Variants in CD9 observed in about 807,000 individuals in gnomAD.
The protein encoded by CD9 is CD9 molecule, also known as CD9 antigen.
In CD9, 10 loss-of-function variants were observed where a neutral mutation model predicts 31.4. That is an observed-to-expected ratio of 0.32 (90% confidence interval 0.20 to 0.54). CD9 has a LOEUF of 0.54. Among genes scored for constraint, CD9 ranks in the 20% least tolerant of loss-of-function variants. The pLI is 0.94. For synonymous variants in CD9, 113 were observed against 114.1 expected (o/e 0.99, Z 0.06); for missense variants, 259 against 300.1 (o/e 0.86, Z 1.01).
At chr12:6,215,174 G>T (rs1484233576) in intron 1 of CD9, among the ~76,000 whole-genome samples, 1 of 152,078 alleles carries the variant, frequency 6.6e-6, no homozygotes, top group African/African-American at 2.4e-5. Flanking sequence ...CTCCCTCGTG[G>T]GGCTGGGCAG....
chr12:6,200,184 G>A (rs1946056302), upstream of CD9: 1 of 156,144 alleles, frequency 6.4e-6, no homozygotes, highest in African/African-American at 2.4e-5. Context: ...GGGAAACAGG[G>A]AGAGGGTCGG....
At chr12:6,211,477 C>G (rs1946193521) in intron 1 of CD9, among the ~76,000 whole-genome samples, 1 of 152,166 alleles carries the variant, frequency 6.6e-6, no homozygotes, top group Non-Finnish European at 1.5e-5. Flanking sequence ...GACCCTGCCA[C>G]TCCAGGCACC....
chr12:6,201,382 G>A lies in CD9; in HGVS notation c.66+817G>A, dbSNP rs145534298. Among the ~76,000 whole-genome samples the A allele has an allele frequency of 4.5e-3, 691 of 152,364 alleles. 7 individuals carry two copies. Among genetic ancestry groups the A allele is most frequent in the Non-Finnish European group, 8.1e-3 (550 of 68,034 alleles). On this transcript the variant is annotated intron_variant, in intron 1 of 7. Transcript: ENST00000009180. Reference sequence around the variant, plus strand: ...GAGTCCTGTGTGTGCATTTCCGGGAGAGATCAGGTGCCAGCCAGCTGCCCG... The same window carrying A: ...GAGTCCTGTGTGTGCATTTCCGGGAAAGATCAGGTGCCAGCCAGCTGCCCG...
chr12:6,213,826 C>T lies in CD9; in HGVS notation c.67-11600C>T, dbSNP rs190883730. 5.7e-3 allele frequency among the ~76,000 whole-genome samples: 875 copies of T among 152,266 alleles called. 9 individuals are homozygous for T. Among genetic ancestry groups the T allele is most frequent in the East Asian group, 0.031 (162 of 5,164 alleles). On this transcript the variant is annotated intron_variant, in intron 1 of 7. Transcript: ENST00000009180. The stretch of plus-strand genomic sequence containing the variant: ...ACAAACCCAAGGGAGAAGCTACGGG[C>T]CAGCATCTTCCCTCCCTCCCTCTTG...
At chr12:6,229,975 A>T (rs1946422827) in intron 2 of CD9, among the ~76,000 whole-genome samples, 2 of 152,196 alleles carry the variant, frequency 1.3e-5, no homozygotes, top group Admixed American at 1.3e-4. Flanking sequence ...TTGTTTTATA[A>T]AGGGGAACAC....
intron 1 of CD9, among the ~76,000 whole-genome samples, chr12:6,209,846 G>A (rs1294099135): frequency 2.0e-5 from 3 of 151,822 alleles, no homozygotes; most frequent in South Asian, 2.1e-4. Flanking sequence ...CACCATGCCC[G>A]GCTAATTTTT....
At chr12:6,219,445 T>A (rs1402270834) in intron 1 of CD9, among the ~76,000 whole-genome samples, 1 of 152,132 alleles carries the variant, frequency 6.6e-6, no homozygotes, top group Non-Finnish European at 1.5e-5. Flanking sequence ...TAATGGGGCT[T>A]CCTTAGTATT....
chr12:6,221,701 C>T (rs1006329883), intron 1 of CD9, among the ~76,000 whole-genome samples: 7 of 151,076 alleles, frequency 4.6e-5, no homozygotes, highest in Admixed American at 3.3e-4. Flanking sequence ...TGAAGCTGGG[C>T]GCAGTGGCTC....
chr12:6,236,272 C>G lies in CD9; in HGVS notation c.618C>G (p.Val206=). 1 of 1,613,994 alleles carries G rather than the reference C, an allele frequency of 6.2e-7. No homozygotes were observed. The highest frequency in any genetic ancestry group is 1.1e-5 in the South Asian group (1 of 91,070). The stretch of plus-strand genomic sequence containing the variant: ...CAGTGGGCATCGGCATTGCCGTGGT[C>G]ATGGTGAGTGGCAGGACGTCGTCCC... ...IGAVGIGIAV[V]MIFGMIFSMI... The change falls in exon 7 of 8, where the codon GTC becomes GTG. Residue 206 remains valine (V), a synonymous_variant. Transcript: ENST00000009180.
intron 1 of CD9, among the ~76,000 whole-genome samples, chr12:6,202,193 C>T (rs1426848701): frequency 6.6e-6 from 1 of 152,130 alleles, no homozygotes; most frequent in African/African-American, 2.4e-5. Flanking sequence ...TGACTTCCCC[C>T]AGTGCATCAG....
chr12:6,206,889 G>A (rs1472306176), intron 1 of CD9, among the ~76,000 whole-genome samples: 2 of 151,826 alleles, frequency 1.3e-5, no homozygotes, highest in African/African-American at 2.4e-5. Flanking sequence ...TGTTTCTGGA[G>A]GCCCATAGAC....
At chr12:6,229,638 TCTC>T (rs1669639502) in intron 2 of CD9, among the ~76,000 whole-genome samples, 2 of 152,136 alleles carry the variant, frequency 1.3e-5, no homozygotes, top group Non-Finnish European at 2.9e-5. Flanking sequence ...CGGATTTTGT[TCTC>T]CTTCACACAA....
At chr12:6,215,059 G>A (rs1946231068) in intron 1 of CD9, among the ~76,000 whole-genome samples, 1 of 152,080 alleles carries the variant, frequency 6.6e-6, no homozygotes, top group African/African-American at 2.4e-5. Flanking sequence ...TTTCCAGGGT[G>A]ACCCCAGGTT....
At chr12:6,209,486 G>A (rs1946169159) in intron 1 of CD9, among the ~76,000 whole-genome samples, 1 of 152,132 alleles carries the variant, frequency 6.6e-6, no homozygotes, top group Non-Finnish European at 1.5e-5. Flanking sequence ...TCTCCATGGT[G>A]CAATGTAAAC....
intron 1 of CD9, among the ~76,000 whole-genome samples, chr12:6,219,908 C>T (rs1250137083): frequency 6.6e-6 from 1 of 151,696 alleles, no homozygotes; most frequent in Non-Finnish European, 1.5e-5. Context: ...ATTTCAAATA[C>T]TTTTTCACTG....
chr12:6,224,696 G>A (rs1485157889), intron 1 of CD9, among the ~76,000 whole-genome samples: 2 of 152,204 alleles, frequency 1.3e-5, no homozygotes, highest in African/African-American at 2.4e-5. Context: ...GCCCTGGTAC[G>A]GGTGACGACG....
In CD9 at chr12:6,232,824, G is replaced by A; in HGVS notation, c.273+95G>A. 1.2e-6 allele frequency: 1 copy of A among 857,458 alleles called. No homozygotes were observed. Among genetic ancestry groups the A allele is most frequent in the African/African-American group, 1.7e-5 (1 of 60,000 alleles). 53.1% of individuals were successfully genotyped at this position (857,458 alleles called of 1,614,324 possible). Reference sequence around the variant, plus strand: ...CCAGACCACAGAACAGATGGAGGGGGATGGGGTCAGGAAGGTACCCAAAGG... The same window carrying A: ...CCAGACCACAGAACAGATGGAGGGGAATGGGGTCAGGAAGGTACCCAAAGG... On this transcript the variant is annotated intron_variant, in intron 3 of 7. Coordinates refer to ENST00000009180, the MANE Select transcript of CD9 (RefSeq NM_001769.4). The surrounding 1 kb of genome is among the most constrained non-coding windows in gnomAD (Gnocchi z 4.8).
At chr12:6,236,063 C>T (rs527484751) in intron 6 of CD9, 129 bp from the exon 7 acceptor site, 62 of 1,472,876 alleles carry the variant, frequency 4.2e-5, no homozygotes, top group South Asian at 2.1e-4. Context: ...CTCTTATCCC[C>T]GAACACTCCT....
intron 2 of CD9, among the ~76,000 whole-genome samples, chr12:6,231,068 G>A (rs1416247812): frequency 6.6e-6 from 1 of 152,188 alleles, no homozygotes; most frequent in Non-Finnish European, 1.5e-5. Flanking sequence ...GGTTCTCATC[G>A]AGTGTCCTGC....
Sources: gnomAD v4.1 joint callset for allele counts (sites outside exome capture counted in the v4.1 genomes callset) on GRCh38, gnomAD v4.1.1 for gene constraint, Gnocchi (gnomAD v3.1) non-coding constraint, MANE v1.5 for transcripts, NCBI Gene and HGNC (gene_info 2026-07-23, HGNC 2026-07-21) for gene names.